The following EPB42 variants were observed in gnomAD, a reference collection of about 807,000 sequenced individuals.
The protein encoded by EPB42 is erythrocyte membrane protein band 4.2, also known as protein 4.2.
EPB42 carries 49 observed loss-of-function variants against 76.9 expected under a neutral mutation model. The ratio of observed to expected loss-of-function variants is 0.64; its 90% confidence interval spans 0.51 to 0.81. EPB42 has a LOEUF of 0.81. Ranked by LOEUF, EPB42 falls within the 30% of genes least tolerant of loss-of-function variation. The pLI is 0.00. For synonymous variants in EPB42, 310 were observed against 338.4 expected, an observed-to-expected ratio of 0.92 and a Z score of 0.92; for missense variants, 731 against 867.6, an observed-to-expected ratio of 0.84 and a Z score of 1.98.
In EPB42 at chr15:43,208,794, A is replaced by G. The variant is rs1275872572; in HGVS notation, c.833-19T>C. 1 of 1,612,836 alleles carries G rather than the reference A, an allele frequency of 6.2e-7. No individual in the cohort carries two copies. Among genetic ancestry groups the G allele is most frequent in the South Asian group, 1.1e-5 (1 of 91,042 alleles). ...CGCAGCACTGTGAGAAGAGGGGCGG[A>G]GTGTCAGGGGGCGCTTGAGAGACCG... is the stretch of plus-strand genomic sequence containing the variant. On this transcript the variant is annotated intron_variant, in intron 6 of 12. Transcript: ENST00000441366.
In EPB42 at chr15:43,206,563, TTG is replaced by T; in HGVS notation, c.1383_1384del (p.Asp461GlufsTer38). On this transcript the variant is annotated frameshift_variant, in exon 10 of 13. Coordinates refer to ENST00000441366, the MANE Select transcript of EPB42 (RefSeq NM_001114134.2). LOFTEE classifies it high-confidence loss of function. The surrounding 1 kb of genome is among the most constrained non-coding windows in gnomAD (Gnocchi z 4.7). ...CTCGAGACTGGGAGGACGGATGCCGTTGTCTTTCTCACGTTCCATTTTCTCTT... is the reference window on the plus strand; with the variant it reads ...CTCGAGACTGGGAGGACGGATGCCGTTCTTTCTCACGTTCCATTTTCTCTT... 1 of 1,614,218 alleles carries T rather than the reference TTG, an allele frequency of 6.2e-7. No individual in the cohort carries two copies. The highest frequency in any genetic ancestry group is 8.5e-7 in the Non-Finnish European group (1 of 1,180,040).
At chr15:43,210,489 T>C (rs753154346) in intron 4 of EPB42, 50 bp from the exon 5 acceptor site, 11 of 1,549,586 alleles carry the variant, frequency 7.1e-6, no homozygotes, top group Middle Eastern at 3.4e-4. Context: ...CACAGGGCCA[T>C]GAGGAAGGGT....
chr15:43,215,196 G>A lies in EPB42; in HGVS notation c.329C>T (p.Ala110Val), dbSNP rs114463376. The change falls in exon 3 of 13, where the codon GCG (alanine) becomes GTG (valine). Residue 110 changes from alanine to valine, a missense_variant. Physicochemically the swap from Ala to Val is moderately conservative, Grantham distance 64. Coordinates refer to ENST00000441366, the MANE Select transcript of EPB42 (RefSeq NM_001114134.2). Reference sequence around the variant, plus strand: ...CGAGTAGTGGCCAATGACAGCGTCCGCAGGTGTGGTCACAGAGATGGTCCA... The same window carrying A: ...CGAGTAGTGGCCAATGACAGCGTCCACAGGTGTGGTCACAGAGATGGTCCA... ...QSWTISVTTP[A>V]DAVIGHYSLL... The A allele has an allele frequency of 1.5e-5, 25 of 1,614,104 alleles. No homozygotes were observed. In the East Asian group the frequency reaches 4.9e-4, roughly 32 times the overall value.
chr15:43,213,876 G>A (rs975352069), intron 3 of EPB42, among the ~76,000 whole-genome samples: 1 of 152,210 alleles, frequency 6.6e-6, no homozygotes, highest in Admixed American at 6.5e-5. Context: ...ACGCTGCCCT[G>A]GACAGAAGAA....
intron 1 of EPB42, 48 bp from the exon 2 acceptor site, chr15:43,216,501 T>C (rs1323318114): frequency 3.1e-6 from 5 of 1,592,408 alleles, no homozygotes; most frequent in East Asian, 2.2e-5. Flanking sequence ...CATGTGACAA[T>C]GTAAGTACAA....
intron 12 of EPB42, among the ~76,000 whole-genome samples, chr15:43,198,237 A>T (rs2042074693): frequency 6.6e-6 from 1 of 152,218 alleles, no homozygotes; most frequent in South Asian, 2.1e-4. Context: ...GCTCAGAAGA[A>T]GATGAAAATG....
In EPB42 at chr15:43,203,242, T is replaced by C. The variant is rs115014100; in HGVS notation, c.1652A>G (p.Asn551Ser). ...GTTCTCGGGTGGGTTTCGCTCAAAATTGGAGAAGAACAGGCCGATGGTTAT... is the reference window on the plus strand; with the variant it reads ...GTTCTCGGGTGGGTTTCGCTCAAAACTGGAGAAGAACAGGCCGATGGTTAT... ...KIITIGLFFS[N>S]FERNPPENTF... is the part of the protein sequence containing the mutation. The change falls in exon 11 of 13, where the codon AAT becomes AGT. Residue 551 changes from asparagine (N) to serine (S), a missense_variant. Transcript: ENST00000441366. The C allele has an allele frequency of 2.4e-5, 38 of 1,614,036 alleles. No homozygotes were observed. The East Asian group carries it at 7.8e-4, about 33-fold the overall frequency.
At chr15:43,216,190 A>C in intron 2 of EPB42, 78 bp downstream of exon 2, 1 of 1,564,394 alleles carries the variant, frequency 6.4e-7, no homozygotes, top group African/African-American at 1.4e-5. Context: ...TTGTCCCTTG[A>C]TTCCCTAACA....
upstream of EPB42, among the ~76,000 whole-genome samples, chr15:43,223,972 C>CA (rs1004489557): frequency 1.3e-5 from 2 of 151,768 alleles, no homozygotes; most frequent in African/African-American, 2.4e-5. Context: ...GACATTGTCT[C>CA]AAAAAAATAG....
In EPB42 at chr15:43,210,359, G is replaced by A. The variant is rs756167313; in HGVS notation, c.630C>T (p.His210=). ...CCAAGGCACCCAACACACGGGCCAC[G>A]TGCACCGGCTGGCTCCACTTCTCTA... The part of the protein sequence containing the change: ...KQVEKWSQPV[H]VARVLGALLH... Residue 210 remains histidine, a synonymous_variant, in exon 5 of 13, where the codon CAC becomes CAT. Coordinates refer to ENST00000441366, the MANE Select transcript of EPB42 (RefSeq NM_001114134.2). The A allele has an allele frequency of 1.2e-5, 20 of 1,613,622 alleles. No individual in the cohort carries two copies. The highest frequency in any genetic ancestry group is 6.7e-5 in the East Asian group (3 of 44,886).
In EPB42 at chr15:43,209,723, G is replaced by C. The variant is rs2042264050; in HGVS notation, c.655-272C>G. ...GCATTAGAGCTGCCCTTCCTTGGGG[G>C]CTGGTTTCACCGGTTCTTAGTCCTC... On this transcript the variant is annotated intron_variant, in intron 5 of 12. Coordinates refer to ENST00000441366, the MANE Select transcript of EPB42 (RefSeq NM_001114134.2). The C allele has an allele frequency of 1.9e-5, 8 of 429,748 alleles. No individual in the cohort carries two copies. The East Asian group carries it at 3.1e-4, about 16-fold the overall frequency. 26.6% of individuals were successfully genotyped at this position (429,748 alleles called of 1,614,324 possible).
chr15:43,207,520 C>G, intron 8 of EPB42, 79 bp from the exon 9 acceptor site: 1 of 1,597,280 alleles, frequency 6.3e-7, no homozygotes, highest in South Asian at 1.1e-5. Flanking sequence ...ACCTCAGTCC[C>G]CATCCTCTAG....
intron 3 of EPB42, among the ~76,000 whole-genome samples, chr15:43,212,417 C>T (rs1051174257): frequency 1.3e-5 from 2 of 151,288 alleles, no homozygotes; most frequent in Admixed American, 6.6e-5. Flanking sequence ...AAATCCTAGT[C>T]GTTCACAGCC....
intron 12 of EPB42, among the ~76,000 whole-genome samples, chr15:43,200,116 G>C (rs991600539): frequency 2.0e-5 from 3 of 152,162 alleles, no homozygotes; most frequent in Non-Finnish European, 2.9e-5. Context: ...GTCAGCAGGT[G>C]GTGTTTGGAG....
At chr15:43,210,222 G>C in intron 5 of EPB42, 113 bp downstream of exon 5, 1 of 912,448 alleles carries the variant, frequency 1.1e-6, no homozygotes, top group Non-Finnish European at 1.8e-6. Context: ...CACCCTGGGA[G>C]GAGGGGGCCA....
Position 43,199,423 on chromosome 15 carries a change from A to G in EPB42, c.1914-1959T>C, listed in dbSNP as rs144965260. 5.3e-3 allele frequency among the ~76,000 whole-genome samples: 811 copies of G among 151,938 alleles called. 7 individuals carry two copies. The highest frequency in any genetic ancestry group is 0.019 in the African/African-American group (773 of 41,440). On this transcript the variant is annotated intron_variant, in intron 12 of 12. Transcript: ENST00000441366. ...ATTTTGGACTTGCATGGGCCCTGTAACTCCTTTGTTTTGGCCAATTTCTCC... is the reference window on the plus strand; with the variant it reads ...ATTTTGGACTTGCATGGGCCCTGTAGCTCCTTTGTTTTGGCCAATTTCTCC...
intron 7 of EPB42, 30 bp downstream of exon 7, chr15:43,208,607 C>A (rs746600295): frequency 6.2e-7 from 1 of 1,613,842 alleles, no homozygotes; most frequent in Non-Finnish European, 8.5e-7. Context: ...CCTTCCTGGA[C>A]TGGAACCTCA....
chr15:43,204,481 C>G (rs1356328402), intron 10 of EPB42, among the ~76,000 whole-genome samples: 1 of 152,118 alleles, frequency 6.6e-6, no homozygotes, highest in East Asian at 1.9e-4. Flanking sequence ...TTTATCTTAC[C>G]AAGGTCTCCT....
chr15:43,221,064 C>A (rs1165861955), upstream of EPB42: 1 of 555,748 alleles, frequency 1.8e-6, no homozygotes, highest in East Asian at 3.1e-5. Context: ...TGGGAGTAAC[C>A]CTGTTCATTT....
Sources: gnomAD v4.1 joint callset for allele counts (sites outside exome capture counted in the v4.1 genomes callset) on GRCh38, gnomAD v4.1.1 for gene constraint, Gnocchi (gnomAD v3.1) non-coding constraint, MANE v1.5 for transcripts, NCBI Gene and HGNC (gene_info 2026-07-23, HGNC 2026-07-21) for gene names.